Variants in SLC1A2 observed in about 807,000 individuals in gnomAD.
SLC1A2 encodes excitatory amino acid transporter 2.
Under a neutral mutation model 48.8 loss-of-function variants are expected in SLC1A2, and 15 were observed. The observed-to-expected ratio is 0.31, with a 90% confidence interval of 0.21 to 0.47. The LOEUF (loss-of-function observed/expected upper bound fraction) is 0.47, where lower values mean the gene tolerates loss of function less well. SLC1A2 is among the 20% of genes least tolerant of loss of function. SLC1A2 has a pLI of 0.99. For missense variants in SLC1A2, 502 were observed against 730.5 expected, an observed-to-expected ratio of 0.69 and a Z score of 3.61; for synonymous variants, 279 against 272.6, an observed-to-expected ratio of 1.02 and a Z score of -0.23.
At chr11:35,334,886 A>G (rs1360746365) in intron 1 of SLC1A2, among the ~76,000 whole-genome samples, 2 of 121,836 alleles carry the variant, frequency 1.6e-5, no homozygotes, top group Non-Finnish European at 1.7e-5. Context: ...AACATCCCTT[A>G]AGACAGACAT....
chr11:35,310,841 T>C (rs1851665121), intron 4 of SLC1A2, among the ~76,000 whole-genome samples: 1 of 152,120 alleles, frequency 6.6e-6, no homozygotes, highest in South Asian at 2.1e-4. Context: ...TAAAAAAATC[T>C]CAAGTTTAAA....
intron 4 of SLC1A2, among the ~76,000 whole-genome samples, chr11:35,310,036 C>A (rs1851639941): frequency 6.6e-6 from 1 of 152,194 alleles, no homozygotes; most frequent in South Asian, 2.1e-4. Context: ...CAGCTGCATG[C>A]AAAGACTGCC....
chr11:35,379,700 C>T (rs1854361499), intron 1 of SLC1A2, among the ~76,000 whole-genome samples: 1 of 152,242 alleles, frequency 6.6e-6, no homozygotes, highest in African/African-American at 2.4e-5. Context: ...TAAGCACATT[C>T]TGTCCCAAGA....
intron 1 of SLC1A2, among the ~76,000 whole-genome samples, chr11:35,383,244 G>T (rs1247835527): frequency 6.6e-6 from 1 of 152,178 alleles, no homozygotes; most frequent in Non-Finnish European, 1.5e-5. Flanking sequence ...AAATTTAAAG[G>T]ACATAAACTA....
rs370441761 is a variant in SLC1A2, at chr11:35,327,622, TC to T, written c.18-10107del. Reference sequence around the variant, plus strand: ...AGACTCTTCTCCTTGTGTTCATCTTTCAATCGTAAATAATAACCAACATTTC... The same window carrying T: ...AGACTCTTCTCCTTGTGTTCATCTTTAATCGTAAATAATAACCAACATTTC... On this transcript the variant is annotated intron_variant, in intron 1 of 10. Coordinates refer to ENST00000278379, the MANE Select transcript of SLC1A2 (RefSeq NM_004171.4). Among the ~76,000 whole-genome samples, 96 of 152,360 alleles carry T rather than the reference TC, an allele frequency of 6.3e-4. 1 individual carries two copies. The East Asian group carries it at 0.018, about 29-fold the overall frequency.
At chr11:35,399,533 G>A in intron 1 of SLC1A2, 1 of 806,804 alleles carries the variant, frequency 1.2e-6, no homozygotes, top group Middle Eastern at 6.4e-4. Context: ...GGAGGCAATG[G>A]TGGGTCTTGA....
intron 1 of SLC1A2, among the ~76,000 whole-genome samples, chr11:35,381,509 C>T (rs764600602): frequency 3.3e-5 from 5 of 152,128 alleles, no homozygotes; most frequent in Non-Finnish European, 5.9e-5. Flanking sequence ...CCCTAGACAT[C>T]CCAGTTACCT....
chr11:35,378,382 A>T (rs1373360741), intron 1 of SLC1A2, among the ~76,000 whole-genome samples: 1 of 152,268 alleles, frequency 6.6e-6, no homozygotes, highest in East Asian at 1.9e-4. Flanking sequence ...CATAGTAGAC[A>T]TCGTTCATCA....
At chr11:35,349,168 C>T (rs1299580359) in intron 1 of SLC1A2, among the ~76,000 whole-genome samples, 2 of 152,138 alleles carry the variant, frequency 1.3e-5, no homozygotes, top group Admixed American at 6.5e-5. Context: ...GATGGGGGCA[C>T]TGCGGGAGCC....
chr11:35,370,054 C>T (rs982082591), intron 1 of SLC1A2, among the ~76,000 whole-genome samples: 6 of 152,172 alleles, frequency 3.9e-5, no homozygotes, highest in African/African-American at 7.2e-5. Flanking sequence ...GAAAAGTATA[C>T]GTGACCCTCC....
intron 1 of SLC1A2, among the ~76,000 whole-genome samples, chr11:35,335,181 GT>G (rs1448092094): frequency 6.6e-6 from 1 of 152,148 alleles, no homozygotes; most frequent in Non-Finnish European, 1.5e-5. Context: ...GGGGAAGTGT[GT>G]GTATTGTTGT....
chr11:35,371,536 G>A (rs1854064525), intron 1 of SLC1A2, among the ~76,000 whole-genome samples: 1 of 152,162 alleles, frequency 6.6e-6, no homozygotes, highest in Non-Finnish European at 1.5e-5. Flanking sequence ...CACCAGGGGT[G>A]GGAACACACC....
At position 35,306,132 on chromosome 11, in the gene SLC1A2, C is replaced by T. The variant is rs747791775; in HGVS notation, c.672G>A (p.Glu224=). ...LLNETVTEVP[E]ETKMVIKKGL... is the part of the protein sequence containing the mutation. ...CCTTCTTGATAACCATCTTAGTCTCCTCCGGCACCTCAGTCACAGTCTCGT... is the reference window on the plus strand; with the variant it reads ...CCTTCTTGATAACCATCTTAGTCTCTTCCGGCACCTCAGTCACAGTCTCGT... Residue 224 remains glutamate, a synonymous_variant, in exon 5 of 11, where the codon GAG becomes GAA. Coordinates refer to ENST00000278379, the MANE Select transcript of SLC1A2 (RefSeq NM_004171.4). 1.9e-6 allele frequency: 3 copies of T among 1,614,068 alleles called. No individual in the cohort carries two copies. In the East Asian group the frequency reaches 6.7e-5, roughly 36 times the overall value.
chr11:35,294,271 C>T (rs1018946152), intron 6 of SLC1A2, among the ~76,000 whole-genome samples: 1 of 152,172 alleles, frequency 6.6e-6, no homozygotes, highest in Non-Finnish European at 1.5e-5. Context: ...CTAACATTAG[C>T]ATAGCTGCTC....
chr11:35,269,288 C>T (rs533229591), intron 9 of SLC1A2, among the ~76,000 whole-genome samples: 3 of 152,298 alleles, frequency 2.0e-5, no homozygotes, highest in Non-Finnish European at 2.9e-5. Flanking sequence ...GCTGTTTATA[C>T]GCCACCTACC....
chr11:35,280,538 C>T (rs546627734), intron 9 of SLC1A2: 8 of 263,384 alleles, frequency 3.0e-5, no homozygotes. Context: ...TCATACAGTA[C>T]ATACTCCTTT....
At chr11:35,381,714 G>C (rs1238930594) in intron 1 of SLC1A2, among the ~76,000 whole-genome samples, 1 of 152,174 alleles carries the variant, frequency 6.6e-6, no homozygotes, top group East Asian at 1.9e-4. Context: ...AACTGCTCTT[G>C]TTTGCCTCAG....
chr11:35,368,370 A>C (rs1853933235), intron 1 of SLC1A2, among the ~76,000 whole-genome samples: 1 of 152,164 alleles, frequency 6.6e-6, no homozygotes, highest in African/African-American at 2.4e-5. Context: ...AACCTCCCTG[A>C]GCTTCTCTTT....
chr11:35,362,418 C>A (rs1565276108), intron 1 of SLC1A2, among the ~76,000 whole-genome samples: 2 of 152,208 alleles, frequency 1.3e-5, no homozygotes, highest in African/African-American at 2.4e-5. Context: ...CTGTGGCCTG[C>A]AGTGGACATC....
Sources: allele counts gnomAD v4.1 joint callset (sites outside exome capture counted in the v4.1 genomes callset), GRCh38; gene constraint gnomAD v4.1.1; transcripts MANE v1.5; gene names NCBI Gene and HGNC (gene_info 2026-07-23, HGNC 2026-07-21).